Variants in BBS4 observed in about 807,000 individuals in gnomAD.
The protein encoded by BBS4 is Bardet-Biedl syndrome 4, also known as BBSome complex member BBS4.
In BBS4, 58 loss-of-function variants were observed where a neutral mutation model predicts 71.4. The ratio of observed to expected loss-of-function variants is 0.81; its 90% CI spans 0.66 to 1.01. BBS4 has a LOEUF of 1.01. BBS4 is among the 50% of genes least tolerant of loss of function. The probability of loss-of-function intolerance (pLI) is 0.00; values close to 1 mark genes in which losing one functional copy is unlikely to be tolerated. For missense variants in BBS4, 660 were observed against 607.9 expected (o/e 1.09, Z -0.90); for synonymous variants, 228 against 216.8 (o/e 1.05, Z -0.46).
intron 6 of BBS4, among the ~76,000 whole-genome samples, chr15:72,717,688 G>A (rs1287502265): frequency 6.6e-6 from 1 of 152,082 alleles, no homozygotes; most frequent in Non-Finnish European, 1.5e-5. Context: ...CAAAATTAGG[G>A]TTCTTTTAGT....
At chr15:72,690,638 G>T (rs1210236991) in intron 1 of BBS4, among the ~76,000 whole-genome samples, 3 of 152,150 alleles carry the variant, frequency 2.0e-5, no homozygotes, top group Non-Finnish European at 2.9e-5. Flanking sequence ...TACAAAGTTT[G>T]ATCAGTTTTA....
At chr15:72,687,212 A>G (rs1429254717) in intron 1 of BBS4, among the ~76,000 whole-genome samples, 2 of 141,536 alleles carry the variant, frequency 1.4e-5, no homozygotes, top group African/African-American at 5.2e-5. Context: ...TCCGCCTCCC[A>G]GGTTCCAGCA....
intron 2 of BBS4, among the ~76,000 whole-genome samples, chr15:72,708,209 G>C (rs2065299856): frequency 6.6e-6 from 1 of 152,102 alleles, no homozygotes; most frequent in Non-Finnish European, 1.5e-5. Flanking sequence ...CTCGTGATCT[G>C]CCTGCCTTGG....
chr15:72,706,431 C>T (rs550233680), intron 2 of BBS4, among the ~76,000 whole-genome samples: 4 of 152,232 alleles, frequency 2.6e-5, no homozygotes, highest in East Asian at 3.9e-4. Flanking sequence ...TCACCACCCC[C>T]GGACCCTGGA....
chr15:72,712,102 C>T (rs2065383203), intron 3 of BBS4, 142 bp from the exon 4 acceptor site: 3 of 700,716 alleles, frequency 4.3e-6, no homozygotes, highest in Admixed American at 2.1e-5. Context: ...CTCCTGACCT[C>T]ATAATCTGCC....
chr15:72,713,527 T>C (rs2065416267), intron 4 of BBS4, among the ~76,000 whole-genome samples: 1 of 152,262 alleles, frequency 6.6e-6, no homozygotes, highest in African/African-American at 2.4e-5. Context: ...GAGGCAGTTA[T>C]TCTTTTTTTT....
At chr15:72,706,913 T>C (rs1208540432) in intron 2 of BBS4, among the ~76,000 whole-genome samples, 1 of 152,246 alleles carries the variant, frequency 6.6e-6, no homozygotes, top group Non-Finnish European at 1.5e-5. Flanking sequence ...ATTTCTGGGC[T>C]CAACTGATCC....
intron 14 of BBS4, among the ~76,000 whole-genome samples, chr15:72,736,388 C>T (rs892519034): frequency 2.6e-5 from 4 of 151,964 alleles, no homozygotes; most frequent in Admixed American, 6.6e-5. Context: ...ACTACAGGCG[C>T]GTGCCACCAC....
rs1215271289 is a variant in BBS4, at chr15:72,731,701, G to T, written c.1011G>T (p.Met337Ile). 1.1e-5 allele frequency: 18 copies of T among 1,614,044 alleles called. No individual in the cohort carries two copies. Among genetic ancestry groups the T allele is most frequent in the East Asian group, 2.2e-5 (1 of 44,892 alleles). Residue 337 changes from methionine to isoleucine, a missense_variant, in exon 12 of 16, where the codon ATG (methionine) becomes ATT (isoleucine). Transcript: ENST00000268057. ...CGGCCATCAACTTCCAGCCAAAGAT[G>T]GGGGAGCTCTACATGCTCTTGGCAG... ...LSAAINFQPK[M>I]GELYMLLAVA...
At chr15:72,695,761 T>C (rs1025638058) in intron 2 of BBS4, among the ~76,000 whole-genome samples, 6 of 152,258 alleles carry the variant, frequency 3.9e-5, no homozygotes, top group African/African-American at 1.4e-4. Flanking sequence ...TTGATTATTA[T>C]GTAAGTGTGT....
At chr15:72,724,776 TA>T in intron 8 of BBS4, 121 bp downstream of exon 8, 1 of 1,349,876 alleles carries the variant, frequency 7.4e-7, no homozygotes, top group African/African-American at 1.5e-5. Context: ...AGTTAAAGGT[TA>T]AGCTGAAGTT....
intron 6 of BBS4, 23 bp downstream of exon 6, chr15:72,716,873 TTTC>T: frequency 6.5e-7 from 1 of 1,547,862 alleles, no homozygotes; most frequent in Non-Finnish European, 8.9e-7. Context: ...CTTTCAGTTC[TTTC>T]TTATTAGTAA....
intron 2 of BBS4, among the ~76,000 whole-genome samples, chr15:72,704,786 A>G (rs746093974): frequency 6.6e-6 from 1 of 152,192 alleles, no homozygotes; most frequent in Non-Finnish European, 1.5e-5. Flanking sequence ...AGGCTGAGTC[A>G]TAAGAATCAT....
At chr15:72,719,440 A>G (rs1400019796) in intron 6 of BBS4, among the ~76,000 whole-genome samples, 1 of 151,508 alleles carries the variant, frequency 6.6e-6, no homozygotes, top group Non-Finnish European at 1.5e-5. Flanking sequence ...TGTGGAAATG[A>G]GGTCTCATGT....
intron 13 of BBS4, 101 bp from the exon 14 acceptor site, chr15:72,735,724 C>A (rs2065908322): frequency 1.4e-6 from 2 of 1,461,566 alleles, no homozygotes; most frequent in Non-Finnish European, 1.9e-6. Context: ...GGAGAAATCT[C>A]TACTTAACCA....
At chr15:72,695,472 A>G (rs548561372) in intron 2 of BBS4, among the ~76,000 whole-genome samples, 1 of 152,184 alleles carries the variant, frequency 6.6e-6, no homozygotes, top group Admixed American at 6.5e-5. Context: ...GTTTTAGTAG[A>G]GATGAGGTTT....
In BBS4 at chr15:72,735,336, C is replaced by G. The variant is rs934707896; in HGVS notation, c.1106+154C>G. ...ACCTCAGTGTGGAGGGATGTGTCTCCTAAGTATGTGGTGGCTCAGCAGGAA... is the reference window on the plus strand; with the variant it reads ...ACCTCAGTGTGGAGGGATGTGTCTCGTAAGTATGTGGTGGCTCAGCAGGAA... On this transcript the variant is annotated intron_variant, in intron 13 of 15. Transcript: ENST00000268057. The G allele has an allele frequency of 8.7e-6, 6 of 686,522 alleles. No individual in the cohort carries two copies. In the African/African-American group the frequency reaches 8.9e-5, roughly 10 times the overall value. The allele number at this position is 686,522 out of a possible 1,614,324, so 42.5% of individuals were successfully genotyped here. A position where few individuals can be genotyped will look rare whatever the true frequency, so the allele number is the denominator to read the frequency against.
chr15:72,725,118 A>C (rs957535098), intron 8 of BBS4, among the ~76,000 whole-genome samples: 4 of 151,298 alleles, frequency 2.6e-5, no homozygotes, highest in African/African-American at 9.7e-5. Flanking sequence ...GCTGGAGTGC[A>C]GTGGAGAACA....
intron 8 of BBS4, 76 bp from the exon 9 acceptor site, chr15:72,727,864 A>G: frequency 9.1e-7 from 1 of 1,096,938 alleles, no homozygotes; most frequent in South Asian, 1.2e-5. Context: ...GTATTGCACG[A>G]GGGCATATTA....
Sources: gnomAD v4.1 joint callset for allele counts (sites outside exome capture counted in the v4.1 genomes callset) on GRCh38, gnomAD v4.1.1 for gene constraint, MANE v1.5 for transcripts, NCBI Gene and HGNC (gene_info 2026-07-23, HGNC 2026-07-21) for gene names.